The following HGSNAT variants were observed in gnomAD, a reference collection of about 807,000 sequenced individuals.
HGSNAT encodes the protein transmembrane protein 76.
In HGSNAT, 59 loss-of-function variants were observed where a neutral mutation model predicts 85.2. The observed-to-expected ratio is 0.69, with a 90% CI of 0.56 to 0.86. The LOEUF is 0.86. HGSNAT is among the 40% of genes least tolerant of loss of function. The probability of loss-of-function intolerance (pLI) is 0.00; values close to 1 mark genes in which losing one functional copy is unlikely to be tolerated. For synonymous variants in HGSNAT, 321 were observed against 304.5 expected (o/e 1.05, Z -0.56); for missense variants, 756 against 777.1 (o/e 0.97, Z 0.32).
intron 14 of HGSNAT, 152 bp from the exon 15 acceptor site, chr8:43,196,796 G>A (rs372237775): frequency 1.6e-6 from 1 of 635,514 alleles, no homozygotes; most frequent in South Asian, 1.9e-5. Context: ...GTCAAAGGCA[G>A]AGGTGATGTT....
chr8:43,186,668 C>T (rs539561826), intron 11 of HGSNAT, among the ~76,000 whole-genome samples: 2 of 152,258 alleles, frequency 1.3e-5, no homozygotes, highest in East Asian at 3.9e-4. Context: ...TTAGTTACTT[C>T]TTGCCTTCTG....
intron 5 of HGSNAT, among the ~76,000 whole-genome samples, chr8:43,162,741 T>C (rs35444991): frequency 0.045 from 6,861 of 151,924 alleles, 207 homozygotes; most frequent in South Asian, 0.082. Flanking sequence ...TTTTAATTTT[T>C]GTATTTTTAG....
At chr8:43,149,679 A>G (rs1455978869) in intron 2 of HGSNAT, among the ~76,000 whole-genome samples, 5 of 152,084 alleles carry the variant, frequency 3.3e-5, no homozygotes, top group South Asian at 2.1e-4. Flanking sequence ...CAGCCTGGGC[A>G]ACAGAGCAAG....
At chr8:43,145,246 T>C (rs1282006026) in intron 1 of HGSNAT, among the ~76,000 whole-genome samples, 1 of 152,170 alleles carries the variant, frequency 6.6e-6, no homozygotes. Flanking sequence ...CCCACCACCC[T>C]GCGTGCTGAC....
At chr8:43,156,148 T>C (rs1210730507) in intron 2 of HGSNAT, among the ~76,000 whole-genome samples, 3 of 152,228 alleles carry the variant, frequency 2.0e-5, no homozygotes, top group African/African-American at 4.8e-5. Context: ...TCACCTACTT[T>C]TTTGATGTAG....
chr8:43,199,138 C>CTTAA (rs1804833581), intron 17 of HGSNAT, among the ~76,000 whole-genome samples: 1 of 151,894 alleles, frequency 6.6e-6, no homozygotes, highest in African/African-American at 2.4e-5. Flanking sequence ...TGGCCTTAAG[C>CTTAA]GATCCACCCG....
intron 11 of HGSNAT, chr8:43,182,518 A>G: frequency 2.1e-6 from 1 of 476,082 alleles, no homozygotes; most frequent in Non-Finnish European, 3.9e-6. Context: ...ATCTTGGCTC[A>G]CTGAAGCCTC....
intron 9 of HGSNAT, among the ~76,000 whole-genome samples, chr8:43,177,027 C>T (rs1255551892): frequency 1.3e-5 from 2 of 152,090 alleles, no homozygotes; most frequent in Admixed American, 6.6e-5. Context: ...AACTTGGATG[C>T]CCTTTATTTG....
chr8:43,161,140 A>G (rs1048215021), intron 4 of HGSNAT, among the ~76,000 whole-genome samples: 3 of 152,142 alleles, frequency 2.0e-5, no homozygotes, highest in Non-Finnish European at 4.4e-5. Context: ...AAAAAGCAGG[A>G]CATGGGGGTG....
At chr8:43,144,356 G>A (rs1478481656) in intron 1 of HGSNAT, among the ~76,000 whole-genome samples, 2 of 151,436 alleles carry the variant, frequency 1.3e-5, no homozygotes, top group Non-Finnish European at 2.9e-5. Flanking sequence ...TTAACTGGAT[G>A]TTCCCGATCC....
At chr8:43,191,629 T>A in intron 12 of HGSNAT, 34 bp downstream of exon 12, 1 of 1,603,802 alleles carries the variant, frequency 6.2e-7, no homozygotes, top group South Asian at 1.1e-5. Context: ...CCCTTGTGCA[T>A]GTCCTGTTCT....
intron 11 of HGSNAT, among the ~76,000 whole-genome samples, chr8:43,190,760 T>C (rs1204945559): frequency 1.3e-5 from 2 of 152,256 alleles, no homozygotes; most frequent in African/African-American, 2.4e-5. Context: ...TATTGATGTA[T>C]AATTTACGTA....
At position 43,201,588 on chromosome 8, in the gene HGSNAT, A is replaced by T. The variant is rs189792605; in HGVS notation, c.*2019A>T. The stretch of plus-strand genomic sequence containing the variant: ...GGAACTTCTCTAATCTCTTATCCTC[A>T]TCCCCAAATAGTGTTTTCTTCCTCT... On this transcript the variant is annotated 3_prime_UTR_variant, in exon 18 of 18. Coordinates refer to ENST00000379644, the MANE Select transcript of HGSNAT (RefSeq NM_152419.3). This position sits in a 1 kb window ranked among gnomAD's most constrained non-coding sequence, Gnocchi z 4.4. The T allele has an allele frequency of 6.6e-6, 1 of 152,316 alleles. No individual in the cohort carries two copies. Among genetic ancestry groups the T allele is most frequent in the Admixed American group, 6.5e-5 (1 of 15,296 alleles). 9.4% of individuals were successfully genotyped at this position (152,316 alleles called of 1,614,324 possible). A position where few individuals can be genotyped will look rare whatever the true frequency, so the allele number is the denominator to read the frequency against.
chr8:43,187,520 T>G (rs150494874), intron 11 of HGSNAT, among the ~76,000 whole-genome samples: 3,555 of 152,324 alleles, frequency 0.023, 131 homozygotes, highest in African/African-American at 0.08. Context: ...TCCCTTTATT[T>G]TGAGCCTATG....
chr8:43,169,226 A>G lies in HGSNAT; in HGVS notation c.617A>G (p.Asp206Gly). Residue 206 changes from aspartate to glycine, a missense_variant, in exon 6 of 18, where the codon GAT becomes GGT. Coordinates refer to ENST00000379644, the MANE Select transcript of HGSNAT (RefSeq NM_152419.3). ...ISKAISSRET[D>G]RLINSELGSP... ...AAAGCCATAAGTTCTCGAGAAACTG[A>G]TCGCCTCATCAATTCTGTAAGTTAT... is the stretch of plus-strand genomic sequence containing the variant. The G allele has an allele frequency of 6.3e-7, 1 of 1,584,472 alleles. No homozygotes were observed. The highest frequency in any genetic ancestry group is 8.6e-7 in the Non-Finnish European group (1 of 1,163,128).
At chr8:43,141,347 C>A (rs571486880) in intron 1 of HGSNAT, among the ~76,000 whole-genome samples, 1 of 152,150 alleles carries the variant, frequency 6.6e-6, no homozygotes, top group Non-Finnish European at 1.5e-5. Flanking sequence ...TTGCCCCGGG[C>A]CCCGGACCCC....
intron 11 of HGSNAT, among the ~76,000 whole-genome samples, chr8:43,190,515 G>A (rs556965910): frequency 6.6e-6 from 1 of 152,242 alleles, no homozygotes; most frequent in Admixed American, 6.5e-5. Context: ...GGCGAGACGT[G>A]CCTGAGTGGG....
intron 2 of HGSNAT, among the ~76,000 whole-genome samples, chr8:43,154,155 G>A (rs763979772): frequency 6.6e-6 from 1 of 152,038 alleles, no homozygotes; most frequent in Non-Finnish European, 1.5e-5. Context: ...TTCCTTATTA[G>A]CCACACAAAC....
chr8:43,171,127 C>T (rs1031659003), intron 7 of HGSNAT, among the ~76,000 whole-genome samples: 8 of 152,290 alleles, frequency 5.3e-5, no homozygotes, highest in Non-Finnish European at 1.2e-4. Flanking sequence ...ATCAGGCCCT[C>T]GTGCTAGCAA....
Sources: allele counts gnomAD v4.1 joint callset (sites outside exome capture counted in the v4.1 genomes callset), GRCh38; gene constraint gnomAD v4.1.1; non-coding constraint Gnocchi (gnomAD v3.1); transcripts MANE v1.5; gene names NCBI Gene and HGNC (gene_info 2026-07-23, HGNC 2026-07-21).